Variants in CRYBA4 observed in about 807,000 individuals in gnomAD.
CRYBA4 encodes beta-crystallin A4.
CRYBA4 carries 30 observed loss-of-function variants against 31.7 expected under a neutral mutation model. The ratio of observed to expected loss-of-function variants is 0.95; its 90% CI spans 0.71 to 1.28. CRYBA4 has a LOEUF of 1.28. CRYBA4 is among the 50% of genes most tolerant of loss of function. The pLI is 0.00. For synonymous variants in CRYBA4, 102 were observed against 102.3 expected, an observed-to-expected ratio of 1.00 and a Z score of 0.02; for missense variants, 225 against 260.7, an observed-to-expected ratio of 0.86 and a Z score of 0.94.
At chr22:26,591,269 G>C in the CRYBA4 span, among the ~76,000 whole-genome samples, 10 of 151,978 alleles carry the variant, frequency 6.6e-5, no homozygotes, top group African/African-American at 2.2e-4. Flanking sequence ...TCAGGAGTTC[G>C]AGACCAGCCA....
At chr22:26,602,098 G>A in the CRYBA4 span, 4 of 1,572,280 alleles carry the variant, frequency 2.5e-6, no homozygotes, top group Non-Finnish European at 2.6e-6. Context: ...GGCCTTCTGG[G>A]TGTGGAGCGA....
upstream of CRYBA4, among the ~76,000 whole-genome samples, chr22:26,617,469 C>T (rs75523953): frequency 7.0e-4 from 107 of 152,272 alleles, no homozygotes; most frequent in African/African-American, 2.5e-3. Flanking sequence ...TCTGGGGTGC[C>T]CCCTGTTCAC....
intron 5 of CRYBA4, 65 bp downstream of exon 5, chr22:26,628,495 G>C: frequency 6.3e-7 from 1 of 1,579,222 alleles, no homozygotes; most frequent in South Asian, 1.1e-5. Flanking sequence ...TGTACCTCCT[G>C]TGAAAACTGT....
chr22:26,607,092 G>A, the CRYBA4 span, among the ~76,000 whole-genome samples: 1 of 142,192 alleles, frequency 7.0e-6, no homozygotes, highest in Non-Finnish European at 1.5e-5. Context: ...GCATGATCTC[G>A]GCTCACTGCA....
chr22:26,606,546 C>T, the CRYBA4 span, among the ~76,000 whole-genome samples: 3 of 152,168 alleles, frequency 2.0e-5, no homozygotes, highest in Non-Finnish European at 4.4e-5. Flanking sequence ...TCCAAACAAA[C>T]CCCTTAACAT....
chr22:26,623,380 G>A (rs1929603815), intron 3 of CRYBA4, 28 bp downstream of exon 3: 1 of 1,568,716 alleles, frequency 6.4e-7, no homozygotes, highest in Non-Finnish European at 8.8e-7. Flanking sequence ...CTGAGTTGGG[G>A]TAGAGGGTGG....
the CRYBA4 span, among the ~76,000 whole-genome samples, chr22:26,606,862 T>C: frequency 6.6e-6 from 1 of 152,160 alleles, no homozygotes; most frequent in Non-Finnish European, 1.5e-5. Context: ...CATCATCAAC[T>C]TAATTCTGGA....
intron 4 of CRYBA4, among the ~76,000 whole-genome samples, chr22:26,627,446 CCTTCTTTCTTTT>C (rs1929766950): frequency 2.7e-5 from 3 of 110,936 alleles, no homozygotes; most frequent in Middle Eastern, 4.2e-3. Flanking sequence ...TTCTTTCTTT[CCTTCTTTCTTTT>C]TCTTTCTTTC....
chr22:26,621,758 C>G (rs991395126), upstream of CRYBA4, among the ~76,000 whole-genome samples: 6 of 152,224 alleles, frequency 3.9e-5, no homozygotes, highest in African/African-American at 1.4e-4. Flanking sequence ...CCACCTCTCT[C>G]CTTCTTCGTG....
the CRYBA4 span, among the ~76,000 whole-genome samples, chr22:26,602,480 A>G: frequency 3.1e-3 from 478 of 151,970 alleles, 2 homozygotes; most frequent in African/African-American, 0.011. Flanking sequence ...AGTCTCAGCT[A>G]CTTGGAAGGC....
intron 4 of CRYBA4, among the ~76,000 whole-genome samples, chr22:26,627,786 T>G (rs948236270): frequency 3.9e-5 from 6 of 151,928 alleles, no homozygotes; most frequent in East Asian, 1.9e-4. Context: ...GTAGCTGAGA[T>G]TACAGGCATG....
chr22:26,623,086 T>C (rs1929584259), intron 2 of CRYBA4, 148 bp from the exon 3 acceptor site: 1 of 750,438 alleles, frequency 1.3e-6, no homozygotes, highest in Non-Finnish European at 2.4e-6. Context: ...GTGTCTCACA[T>C]TTATCACTGC....
intron 4 of CRYBA4, among the ~76,000 whole-genome samples, chr22:26,627,188 T>C (rs1275951202): frequency 2.6e-5 from 4 of 152,156 alleles, no homozygotes; most frequent in African/African-American, 9.7e-5. Flanking sequence ...TAGTTTCATT[T>C]TATAGATACA....
chr22:26,621,725 T>A (rs1230889482), upstream of CRYBA4, among the ~76,000 whole-genome samples: 1 of 152,172 alleles, frequency 6.6e-6, no homozygotes, highest in Non-Finnish European at 1.5e-5. Context: ...AGGAACCTTG[T>A]GGGGCTGATG....
the CRYBA4 span, among the ~76,000 whole-genome samples, chr22:26,597,854 C>G: frequency 1.3e-5 from 2 of 152,080 alleles, no homozygotes; most frequent in South Asian, 4.1e-4. Context: ...GTGCAAACAT[C>G]TTTCACACTT....
At chr22:26,594,575 T>C in the CRYBA4 span, among the ~76,000 whole-genome samples, 8 of 152,158 alleles carry the variant, frequency 5.3e-5, no homozygotes, top group Admixed American at 6.5e-5. Flanking sequence ...TCAGGCATTG[T>C]ATTTTAAAGC....
intron 3 of CRYBA4, among the ~76,000 whole-genome samples, chr22:26,624,817 GA>G (rs1191135388): frequency 1.3e-5 from 2 of 152,220 alleles, no homozygotes; most frequent in Admixed American, 6.5e-5. Flanking sequence ...GGAATGGTAG[GA>G]ACCCCGTGGC....
the CRYBA4 span, among the ~76,000 whole-genome samples, chr22:26,609,445 G>A: frequency 6.6e-6 from 1 of 152,142 alleles, no homozygotes; most frequent in Non-Finnish European, 1.5e-5. Context: ...TAGATGGATA[G>A]GTGGATGGGT....
In CRYBA4 at chr22:26,630,339, G is replaced by C; in HGVS notation, c.444-1G>C. The C allele has an allele frequency of 6.2e-7, 1 of 1,614,138 alleles. No individual in the cohort carries two copies. The highest frequency in any genetic ancestry group is 8.5e-7 in the Non-Finnish European group (1 of 1,179,992). On this transcript the variant is annotated splice_acceptor_variant, in intron 5 of 5. Coordinates refer to ENST00000354760, the MANE Select transcript of CRYBA4 (RefSeq NM_001886.3). LOFTEE classifies it high-confidence loss of function. ...AACTGTCTGCCTTTTCTCTTTTCCA[G>C]CTGGGTTTGCTCCCAGTTTCCGGGC... is the stretch of plus-strand genomic sequence containing the variant.
Sources: allele counts gnomAD v4.1 joint callset (sites outside exome capture counted in the v4.1 genomes callset), GRCh38; gene constraint gnomAD v4.1.1; transcripts MANE v1.5; gene names NCBI Gene and HGNC (gene_info 2026-07-23, HGNC 2026-07-21).